Variants in SPOCK3 observed in about 807,000 individuals in gnomAD.
SPOCK3 encodes testican-3.
In SPOCK3, 30 loss-of-function variants were observed where a neutral mutation model predicts 56.6. The observed-to-expected ratio is 0.53, with a 90% CI of 0.40 to 0.72. The LOEUF (loss-of-function observed/expected upper bound fraction) is 0.72, where lower values mean the gene tolerates loss of function less well. Ranked by LOEUF, SPOCK3 falls within the 30% of genes least tolerant of loss-of-function variation. The pLI, the probability that SPOCK3 is intolerant of heterozygous loss-of-function variation, is 0.00. For missense variants in SPOCK3, 527 were observed against 530.0 expected (o/e 0.99, Z 0.06); for synonymous variants, 196 against 183.3 (o/e 1.07, Z -0.56).
At chr4:166,857,770 AT>A (rs1282057024) in intron 6 of SPOCK3, among the ~76,000 whole-genome samples, 1 of 152,224 alleles carries the variant, frequency 6.6e-6, no homozygotes, top group Non-Finnish European at 1.5e-5. Context: ...TAGTATAGGA[AT>A]TGTCTGCCAG....
chr4:167,013,442 C>A (rs1030032142), intron 3 of SPOCK3, among the ~76,000 whole-genome samples: 1 of 151,122 alleles, frequency 6.6e-6, no homozygotes, highest in Admixed American at 6.6e-5. Context: ...AATAGGATTT[C>A]TTTTATAAAA....
At chr4:167,212,943 T>C (rs1011485950) in intron 2 of SPOCK3, among the ~76,000 whole-genome samples, 5 of 152,178 alleles carry the variant, frequency 3.3e-5, no homozygotes, top group African/African-American at 9.7e-5. Flanking sequence ...AAATGAAACA[T>C]AGAGCATTTG....
intron 2 of SPOCK3, among the ~76,000 whole-genome samples, chr4:167,095,767 G>A (rs1759095114): frequency 6.7e-6 from 1 of 148,934 alleles, no homozygotes; most frequent in Admixed American, 6.6e-5. Context: ...TTAAAAATCT[G>A]AATATATATA....
At chr4:167,024,851 TA>T (rs933114308) in intron 3 of SPOCK3, among the ~76,000 whole-genome samples, 2 of 152,004 alleles carry the variant, frequency 1.3e-5, no homozygotes, top group African/African-American at 4.8e-5. Context: ...TATGGAAAAA[TA>T]AAAAAAAATT....
At chr4:167,192,645 C>T (rs761691635) in intron 2 of SPOCK3, among the ~76,000 whole-genome samples, 4 of 145,360 alleles carry the variant, frequency 2.8e-5, no homozygotes, top group Admixed American at 7.1e-5. Context: ...TTCTTTCCTT[C>T]TGTTAGCTTT....
At chr4:166,959,262 C>T (rs921008625) in intron 4 of SPOCK3, among the ~76,000 whole-genome samples, 13 of 151,850 alleles carry the variant, frequency 8.6e-5, no homozygotes, top group East Asian at 7.7e-4. Flanking sequence ...CTTTTTTCAA[C>T]GAATTAGTGC....
chr4:167,016,089 G>T (rs1750593840), intron 3 of SPOCK3, among the ~76,000 whole-genome samples: 1 of 152,122 alleles, frequency 6.6e-6, no homozygotes, highest in Non-Finnish European at 1.5e-5. Context: ...TGACTGAATA[G>T]TTATAGCAGA....
At chr4:167,039,867 C>T (rs1245698864) in intron 3 of SPOCK3, among the ~76,000 whole-genome samples, 1 of 152,142 alleles carries the variant, frequency 6.6e-6, no homozygotes, top group East Asian at 1.9e-4. Flanking sequence ...ACACCTTGAG[C>T]CTAAATGACA....
At chr4:167,140,938 A>G (rs1275643205) in intron 2 of SPOCK3, among the ~76,000 whole-genome samples, 3 of 152,124 alleles carry the variant, frequency 2.0e-5, no homozygotes, top group Middle Eastern at 3.4e-3. Context: ...GTGCACATTG[A>G]TAAACATATA....
chr4:166,752,565 TA>T, intron 8 of SPOCK3, among the ~76,000 whole-genome samples: 1 of 101,302 alleles, frequency 9.9e-6, no homozygotes, highest in African/African-American at 4.8e-5. Context: ...TATATATATA[TA>T]TATATATACA....
At chr4:167,039,703 C>T (rs1753084043) in intron 3 of SPOCK3, among the ~76,000 whole-genome samples, 1 of 151,430 alleles carries the variant, frequency 6.6e-6, no homozygotes, top group South Asian at 2.1e-4. Context: ...TGAAAAGTTG[C>T]ACTGTATACA....
chr4:166,815,306 T>A (rs1024247534), intron 6 of SPOCK3, among the ~76,000 whole-genome samples: 1 of 135,204 alleles, frequency 7.4e-6, no homozygotes, highest in African/African-American at 3.3e-5. Context: ...ACTGTATAAT[T>A]ACAAAAAGTG....
intron 3 of SPOCK3, among the ~76,000 whole-genome samples, chr4:167,007,348 C>T (rs760027048): frequency 1.4e-4 from 21 of 152,108 alleles, no homozygotes; most frequent in Non-Finnish European, 2.9e-4. Context: ...TAAGTAATCC[C>T]TAGATTATTC....
intron 6 of SPOCK3, among the ~76,000 whole-genome samples, chr4:166,807,931 T>C (rs1743351297): frequency 6.6e-6 from 1 of 152,148 alleles, no homozygotes; most frequent in Non-Finnish European, 1.5e-5. Context: ...GTCAATGACA[T>C]AATAACTACT....
chr4:167,207,108 T>C (rs1330233380), intron 2 of SPOCK3, among the ~76,000 whole-genome samples: 1 of 152,098 alleles, frequency 6.6e-6, no homozygotes, highest in Admixed American at 6.6e-5. Flanking sequence ...TTAAATTAAA[T>C]TTTATAAAAA....
rs1750049280 is a variant in SPOCK3 at position 167,011,386 on chromosome 4, A to G, written c.236-10923T>C. 3 of 428,678 alleles carry G rather than the reference A, an allele frequency of 7.0e-6. No homozygotes were observed. In the Admixed American group the frequency reaches 7.3e-5, roughly 10 times the overall value. 26.6% of individuals were successfully genotyped at this position (428,678 alleles called of 1,614,324 possible). ...CCTCTCTAAAATACTTTCCTTTTCT[A>G]TTCTGTAGTCATCATTGTTTCCATG... On this transcript the variant is annotated intron_variant, in intron 3 of 10. Coordinates refer to ENST00000357545, the MANE Select transcript of SPOCK3 (RefSeq NM_001040159.2).
chr4:167,166,113 A>C (rs1204132988), intron 2 of SPOCK3, among the ~76,000 whole-genome samples: 1 of 152,032 alleles, frequency 6.6e-6, no homozygotes, highest in African/African-American at 2.4e-5. Context: ...CTATAGCAAA[A>C]ATTTGGAAAA....
chr4:166,961,144 C>T (rs72971691), intron 4 of SPOCK3, among the ~76,000 whole-genome samples: 12,417 of 151,440 alleles, frequency 0.082, 628 homozygotes, highest in African/African-American at 0.14. Context: ...TCAACCTTGG[C>T]GAAGTACAAA....
At chr4:167,145,332 A>T (rs1763857617) in intron 2 of SPOCK3, among the ~76,000 whole-genome samples, 1 of 152,208 alleles carries the variant, frequency 6.6e-6, no homozygotes, top group South Asian at 2.1e-4. Context: ...TTGCATAATC[A>T]AGTGGAAGTA....
Sources: allele counts gnomAD v4.1 joint callset (sites outside exome capture counted in the v4.1 genomes callset), GRCh38; gene constraint gnomAD v4.1.1; transcripts MANE v1.5; gene names NCBI Gene and HGNC (gene_info 2026-07-23, HGNC 2026-07-21).